PBRM1: variants seen among roughly 807,000 people sequenced by gnomAD.
The protein encoded by PBRM1 is polybromo 1.
In PBRM1, 27 loss-of-function variants were observed where a neutral mutation model predicts 194.5. The observed-to-expected ratio is 0.14, with a 90% CI of 0.10 to 0.19. The LOEUF is 0.19. Ranked by LOEUF, PBRM1 falls within the 10% of genes least tolerant of loss-of-function variation. The pLI, the probability that PBRM1 is intolerant of heterozygous loss-of-function variation, is 1.00. For missense variants in PBRM1, 1,466 were observed against 2,077.2 expected, an observed-to-expected ratio of 0.71 and a Z score of 5.72; for synonymous variants, 655 against 693.2, an observed-to-expected ratio of 0.94 and a Z score of 0.87.
chr3:52,572,435 T>A (rs754798921), intron 22 of PBRM1, among the ~76,000 whole-genome samples: 9 of 151,886 alleles, frequency 5.9e-5, no homozygotes, highest in Admixed American at 2.0e-4. Context: ...TCCAGTAGAG[T>A]GATCTCAGCG....
chr3:52,569,646 G>A (rs1365534809), intron 22 of PBRM1, among the ~76,000 whole-genome samples: 2 of 152,156 alleles, frequency 1.3e-5, no homozygotes, highest in African/African-American at 4.8e-5. Flanking sequence ...AACCTACCTA[G>A]GCATATGGTA....
chr3:52,680,689 C>T (rs577753185), upstream of PBRM1, among the ~76,000 whole-genome samples: 73 of 152,078 alleles, frequency 4.8e-4, no homozygotes, highest in Middle Eastern at 0.01. Context: ...GGTGGAGTCT[C>T]GCTCTGTCAC....
At chr3:52,628,362 T>G (rs1351053120) in intron 12 of PBRM1, among the ~76,000 whole-genome samples, 1 of 134,502 alleles carries the variant, frequency 7.4e-6, no homozygotes, top group African/African-American at 2.8e-5. Flanking sequence ...CCATGACAAC[T>G]CCAAAAAAAA....
intron 25 of PBRM1, among the ~76,000 whole-genome samples, chr3:52,559,636 G>C (rs925146224): frequency 3.3e-5 from 5 of 152,066 alleles, no homozygotes; most frequent in Non-Finnish European, 7.4e-5. Context: ...AAAATAGCTC[G>C]AGGTCATATG....
At chr3:52,644,822 G>T (rs765227912) in intron 7 of PBRM1, 33 bp from the exon 9 acceptor site, 1 of 1,086,898 alleles carries the variant, frequency 9.2e-7, no homozygotes, top group East Asian at 2.4e-5. Context: ...TTTAAAAAAG[G>T]AACAGATAAA....
intron 21 of PBRM1, 110 bp from the exon 24 acceptor site, chr3:52,576,808 G>A (rs1416290932): frequency 1.6e-6 from 1 of 642,372 alleles, no homozygotes; most frequent in Non-Finnish European, 2.5e-6. Context: ...ATTCAGAGGA[G>A]TTTCACTGGC....
intron 5 of PBRM1, among the ~76,000 whole-genome samples, chr3:52,655,545 T>C (rs2096593085): frequency 6.6e-6 from 1 of 152,208 alleles, no homozygotes; most frequent in African/African-American, 2.4e-5. Flanking sequence ...CAAATATCTC[T>C]TCAATACCCT....
chr3:52,616,486 G>A (rs1415886352), intron 14 of PBRM1, among the ~76,000 whole-genome samples: 1 of 152,188 alleles, frequency 6.6e-6, no homozygotes, highest in African/African-American at 2.4e-5. Flanking sequence ...GACGTCAGGA[G>A]ATCAAGACCA....
chr3:52,637,773 C>CAAAAAAAAAAAAAAAAAAAAAAAAAAA lies in PBRM1; in HGVS notation c.1088-2959_1088-2958insTTTTTTTTTTTTTTTTTTTTTTTTTTT, dbSNP rs755241328. 9.5e-4 allele frequency among the ~76,000 whole-genome samples: 40 copies of CAAAAAAAAAAAAAAAAAAAAAAAAAAA among 42,232 alleles called. 4 individuals are homozygous for CAAAAAAAAAAAAAAAAAAAAAAAAAAA. The highest frequency in any genetic ancestry group is 1.6e-3 in the Non-Finnish European group (30 of 18,912). 27.7% of individuals were successfully genotyped at this position (42,232 alleles called of 152,430 possible). A position where few individuals can be genotyped will look rare whatever the true frequency, so the allele number is the denominator to read the frequency against. ...CAAAACCATGTCTCTACTAAAAATA[C>CAAAAAAAAAAAAAAAAAAAAAAAAAAA]AAAAAAAAAAAAAAAAAAAAAAAAT... On this transcript the variant is annotated intron_variant, in intron 10 of 29. Coordinates refer to ENST00000296302, the Ensembl canonical transcript of PBRM1.
chr3:52,630,604 T>C (rs1399923374), intron 11 of PBRM1, among the ~76,000 whole-genome samples: 1 of 152,174 alleles, frequency 6.6e-6, no homozygotes, highest in East Asian at 1.9e-4. Flanking sequence ...GAAGGGATCG[T>C]AGGCACAGTA....
chr3:52,674,341 C>T (rs561505822), intron 2 of PBRM1, among the ~76,000 whole-genome samples: 5 of 150,802 alleles, frequency 3.3e-5, no homozygotes, highest in East Asian at 2.0e-4. Flanking sequence ...ATTAGCTGGG[C>T]GTGGTGGCCC....
chr3:52,674,669 C>T (rs1367986874), intron 2 of PBRM1, among the ~76,000 whole-genome samples: 4 of 144,190 alleles, frequency 2.8e-5, no homozygotes, highest in Non-Finnish European at 4.5e-5. Flanking sequence ...TATATATACA[C>T]ACACACACAC....
chr3:52,608,698 AT>A (rs1374668711), intron 16 of PBRM1, among the ~76,000 whole-genome samples: 1 of 151,952 alleles, frequency 6.6e-6, no homozygotes, highest in Non-Finnish European at 1.5e-5. Flanking sequence ...TAATTGCTGA[AT>A]TTAATAGTCA....
intron 17 of PBRM1, among the ~76,000 whole-genome samples, chr3:52,601,440 C>T (rs1482037956): frequency 6.6e-6 from 1 of 152,174 alleles, no homozygotes; most frequent in African/African-American, 2.4e-5. Context: ...CAACCTAGAT[C>T]CCTCACATAC....
intron 17 of PBRM1, among the ~76,000 whole-genome samples, chr3:52,593,084 T>C (rs906837947): frequency 6.6e-6 from 1 of 152,096 alleles, no homozygotes; most frequent in Non-Finnish European, 1.5e-5. Flanking sequence ...TCTTACCAAC[T>C]TTTTCAAAAA....
At chr3:52,597,901 A>C (rs1227176566) in intron 17 of PBRM1, among the ~76,000 whole-genome samples, 1 of 152,116 alleles carries the variant, frequency 6.6e-6, no homozygotes, top group Non-Finnish European at 1.5e-5. Context: ...ACAGGGTTTC[A>C]CCATGTTGGT....
intron 21 of PBRM1, among the ~76,000 whole-genome samples, chr3:52,578,596 G>T (rs2090298506): frequency 6.6e-6 from 1 of 152,154 alleles, no homozygotes; most frequent in African/African-American, 2.4e-5. Context: ...AATATCTGAG[G>T]CCCTACTATG....
intron 10 of PBRM1, among the ~76,000 whole-genome samples, chr3:52,641,446 C>CAAAAAAAAAAAAAAAAA (rs386396638): frequency 7.2e-5 from 5 of 69,906 alleles, no homozygotes; most frequent in Admixed American, 1.8e-4. Flanking sequence ...GACTCCATCT[C>CAAAAAAAAAAAAAAAAA]AAAAAAAAAA....
intron 11 of PBRM1, among the ~76,000 whole-genome samples, chr3:52,632,566 A>C (rs1392353793): frequency 6.6e-6 from 1 of 152,180 alleles, no homozygotes; most frequent in Non-Finnish European, 1.5e-5. Flanking sequence ...TCTCTTTAAC[A>C]AAAAGAAAAA....
Sources: gnomAD v4.1 joint callset for allele counts (sites outside exome capture counted in the v4.1 genomes callset) on GRCh38, gnomAD v4.1.1 for gene constraint, MANE v1.5 for transcripts, NCBI Gene and HGNC (gene_info 2026-07-23, HGNC 2026-07-21) for gene names.